NHSL1: variants seen among roughly 807,000 people sequenced by gnomAD.
NHSL1 encodes the protein NHS-like protein 1.
Under a neutral mutation model 95.0 loss-of-function variants are expected in NHSL1, and 48 were observed. That is an observed-to-expected ratio of 0.51 (90% CI 0.40 to 0.64). NHSL1 has a LOEUF of 0.64. NHSL1 is among the 30% of genes least tolerant of loss of function. The pLI, the probability that NHSL1 is intolerant of heterozygous loss-of-function variation, is 0.00. For missense variants in NHSL1, 1,971 were observed against 2,077.7 expected (o/e 0.95, Z 1.00); for synonymous variants, 783 against 833.9 (o/e 0.94, Z 1.05).
Position 138,431,896 on chromosome 6 carries a change from G to A in NHSL1, c.2449C>T (p.Gln817Ter), listed in dbSNP as rs1334665039. ...GGCATTGTGGCTCTGGACCCTTCTT[G>A]GACATGGCGGACTGGCCCGTTCCCA... ...PTGNGPVRHV[Q>*]EGSRATMPQV... is the part of the protein sequence containing the mutation. The change falls in exon 6 of 8, where the codon CAA becomes TAA. Residue 817 changes from glutamine (Q) to a stop codon, truncating the protein, a stop_gained. Transcript: ENST00000343505. LOFTEE classifies it high-confidence loss of function. The surrounding 1 kb of genome is among the most constrained non-coding windows in gnomAD (Gnocchi z 4.0). 6.4e-7 allele frequency: 1 copy of A among 1,551,726 alleles called. No homozygotes were observed. The highest frequency in any genetic ancestry group is 8.7e-7 in the Non-Finnish European group (1 of 1,146,986).
chr6:138,620,722 TA>T (rs1328398975), intron 1 of NHSL1, among the ~76,000 whole-genome samples: 8 of 151,970 alleles, frequency 5.3e-5, no homozygotes, highest in African/African-American at 1.7e-4. Flanking sequence ...TTCTAGAACT[TA>T]AAAAAAATAT....
rs1378537501 is a variant in NHSL1 at position 138,676,349 on chromosome 6, C to T, written c.96+16127G>A. Among the ~76,000 whole-genome samples, 5 of 152,070 alleles carry T rather than the reference C, an allele frequency of 3.3e-5. No homozygotes were observed. The East Asian group carries it at 9.7e-4, about 29-fold the overall frequency. On this transcript the variant is annotated intron_variant, in intron 1 of 3. Transcript: ENST00000491526. ...AAACCTTACATTATTAAGGTCCAGT[C>T]CTTTATTCTAACATCTTGACTTTAT...
At chr6:138,448,386 T>C (rs1015269455) in intron 3 of NHSL1, among the ~76,000 whole-genome samples, 2 of 152,206 alleles carry the variant, frequency 1.3e-5, no homozygotes, top group Non-Finnish European at 2.9e-5. Context: ...TCCGAAGCAT[T>C]TAAACGGAAC....
chr6:138,571,778 A>G (rs1341859766), exon 1 of NHSL1: 1 of 1,552,296 alleles, frequency 6.4e-7, no homozygotes, highest in Non-Finnish European at 8.7e-7. Flanking sequence ...ACAAACCGAG[A>G]GCTCTCCATC....
At chr6:138,619,287 G>A (rs188930042) in intron 1 of NHSL1, among the ~76,000 whole-genome samples, 49 of 152,224 alleles carry the variant, frequency 3.2e-4, no homozygotes, top group Middle Eastern at 3.4e-3. Context: ...GCAGTGAGCC[G>A]AGATCACGCC....
chr6:138,669,233 C>T (rs1268501967), intron 1 of NHSL1, among the ~76,000 whole-genome samples: 2 of 152,058 alleles, frequency 1.3e-5, no homozygotes, highest in South Asian at 2.1e-4. Context: ...ATCTAGACCC[C>T]TCTCAAAGCC....
upstream of NHSL1, chr6:138,572,589 T>C (rs1583427136): frequency 6.6e-6 from 1 of 152,244 alleles, no homozygotes; most frequent in South Asian, 2.1e-4. Context: ...TGCGTGGCTA[T>C]TGCCTGGATT....
intron 3 of NHSL1, among the ~76,000 whole-genome samples, chr6:138,469,295 A>T (rs1778598151): frequency 1.3e-5 from 2 of 152,258 alleles, no homozygotes; most frequent in African/African-American, 4.8e-5. Context: ...ACCTGAAGAC[A>T]TTCGCACATG....
intron 2 of NHSL1, among the ~76,000 whole-genome samples, chr6:138,495,340 T>C (rs189815697): frequency 6.6e-6 from 1 of 152,352 alleles, no homozygotes; most frequent in African/African-American, 2.4e-5. Flanking sequence ...TGACCAAGTA[T>C]ACCTTGCTCA....
At chr6:138,475,478 T>G (rs1191439855) in intron 2 of NHSL1, among the ~76,000 whole-genome samples, 2 of 152,142 alleles carry the variant, frequency 1.3e-5, no homozygotes, top group Non-Finnish European at 2.9e-5. Flanking sequence ...TCCTTCCACC[T>G]TGGCCTCCCA....
intron 1 of NHSL1, among the ~76,000 whole-genome samples, chr6:138,507,148 G>A (rs939201332): frequency 1.3e-5 from 2 of 152,154 alleles, no homozygotes; most frequent in African/African-American, 4.8e-5. Context: ...TGGAAGAACC[G>A]GCCAGGCATC....
chr6:138,552,191 C>T (rs887076463), intron 1 of NHSL1, among the ~76,000 whole-genome samples: 7 of 152,106 alleles, frequency 4.6e-5, no homozygotes, highest in Non-Finnish European at 8.8e-5. Flanking sequence ...GAGGCCGAGG[C>T]AGGCGGATCA....
At chr6:138,546,457 A>C (rs973665548), upstream of NHSL1, among the ~76,000 whole-genome samples, 8 of 142,464 alleles carry the variant, frequency 5.6e-5, no homozygotes, top group South Asian at 4.4e-4. Context: ...AAAAAAAAAA[A>C]AACTAGCTGG....
At chr6:138,692,819 G>C (rs1293334985), upstream of NHSL1, among the ~76,000 whole-genome samples, 3 of 150,776 alleles carry the variant, frequency 2.0e-5, no homozygotes, top group Non-Finnish European at 4.4e-5. This position sits in a 1 kb window ranked among gnomAD's most constrained non-coding sequence, Gnocchi z 4.0. Flanking sequence ...GTCGGCGCGG[G>C]GCGCCAGCCT....
chr6:138,639,137 A>G, intron 1 of NHSL1, among the ~76,000 whole-genome samples: 1 of 152,232 alleles, frequency 6.6e-6, no homozygotes, highest in East Asian at 1.9e-4. Flanking sequence ...GAAGGAATGT[A>G]TTATTTTTTT....
chr6:138,465,325 C>T (rs899941405), intron 3 of NHSL1, among the ~76,000 whole-genome samples: 3 of 152,112 alleles, frequency 2.0e-5, no homozygotes, highest in African/African-American at 4.8e-5. Context: ...TCCAAAGAAA[C>T]ACAGCAAGTG....
chr6:138,626,893 CAAAAAAAAAAAA>C lies in NHSL1; in HGVS notation c.96+65571_96+65582del, dbSNP rs71009593. On this transcript the variant is annotated intron_variant, in intron 1 of 3. Coordinates refer to the NHSL1 transcript ENST00000491526. Reference sequence around the variant, plus strand: ...TGGGCGACAGAGCGAGACTCCGTCTCAAAAAAAAAAAAAAAAAAAAAAAAAAAAAAAAATTGT... The same window carrying C: ...TGGGCGACAGAGCGAGACTCCGTCTCAAAAAAAAAAAAAAAAAAAAATTGT... 7.5e-3 allele frequency among the ~76,000 whole-genome samples: 58 copies of C among 7,774 alleles called. 1 individual carries two copies. The highest frequency in any genetic ancestry group is 9.9e-3 in the Non-Finnish European group (41 of 4,124). 5.1% of individuals were successfully genotyped at this position (7,774 alleles called of 152,430 possible).
At chr6:138,571,833 T>G in exon 1 of NHSL1, 1 of 1,551,930 alleles carries the variant, frequency 6.4e-7, no homozygotes, top group Non-Finnish European at 8.7e-7. Flanking sequence ...GAGGAGAAAT[T>G]TATCCAACTT....
chr6:138,659,302 G>A (rs779959797), intron 1 of NHSL1, among the ~76,000 whole-genome samples: 2 of 152,050 alleles, frequency 1.3e-5, no homozygotes, highest in East Asian at 1.9e-4. Flanking sequence ...CGCCTGCCTC[G>A]GCCTCCCAAA....
Sources: allele counts gnomAD v4.1 joint callset (sites outside exome capture counted in the v4.1 genomes callset), GRCh38; gene constraint gnomAD v4.1.1; non-coding constraint Gnocchi (gnomAD v3.1); transcripts MANE v1.5; gene names NCBI Gene and HGNC (gene_info 2026-07-23, HGNC 2026-07-21).